The following CNTN4 variants were observed in gnomAD, a reference collection of about 807,000 sequenced individuals.
CNTN4 encodes the protein contactin-4.
A neutral mutation model predicts 122.5 loss-of-function variants in CNTN4; 77 were observed. That is an observed-to-expected ratio of 0.63 (90% CI 0.52 to 0.76). The LOEUF is 0.76. CNTN4 is among the 30% of genes least tolerant of loss of function. CNTN4 has a pLI of 0.00. For synonymous variants in CNTN4, 512 were observed against 447.0 expected, an observed-to-expected ratio of 1.15 and a Z score of -1.83; for missense variants, 1,256 against 1,259.1, an observed-to-expected ratio of 1.00 and a Z score of 0.04.
chr3:2,312,878 A>G (rs79856104), intron 2 of CNTN4, among the ~76,000 whole-genome samples: 4 of 152,028 alleles, frequency 2.6e-5, no homozygotes, highest in African/African-American at 4.8e-5. Flanking sequence ...GTTCGTTGCT[A>G]TGATAGGAAA....
intron 2 of CNTN4, among the ~76,000 whole-genome samples, chr3:2,120,402 T>TAA (rs2033683802): frequency 1.6e-4 from 5 of 31,166 alleles, no homozygotes; most frequent in Non-Finnish European, 2.9e-4. Context: ...TATATATATA[T>TAA]ATATTTTTTT....
intron 10 of CNTN4, chr3:2,892,161 A>G (rs2094049688): frequency 6.6e-6 from 1 of 152,250 alleles, no homozygotes; most frequent in South Asian, 2.1e-4. Context: ...CTGAAACTTC[A>G]GTGTGCATCA....
intron 23 of CNTN4, among the ~76,000 whole-genome samples, chr3:3,048,036 C>G (rs1441224142): frequency 6.6e-6 from 1 of 152,236 alleles, no homozygotes; most frequent in Admixed American, 6.5e-5. Context: ...CTCAGTCACT[C>G]CCCCTTCTTT....
chr3:2,236,551 A>C (rs1408019007), intron 2 of CNTN4, among the ~76,000 whole-genome samples: 2 of 152,226 alleles, frequency 1.3e-5, no homozygotes, highest in Non-Finnish European at 2.9e-5. Flanking sequence ...GTCTTCAGGA[A>C]GCAGTGAGCA....
intron 3 of CNTN4, among the ~76,000 whole-genome samples, chr3:2,348,359 AT>A (rs1201428958): frequency 3.3e-5 from 5 of 152,034 alleles, no homozygotes; most frequent in Non-Finnish European, 7.4e-5. Context: ...CTTTTCATGG[AT>A]TTAGGGAATC....
chr3:2,796,108 T>C (rs1418470410), intron 6 of CNTN4, among the ~76,000 whole-genome samples: 2 of 152,158 alleles, frequency 1.3e-5, no homozygotes, highest in African/African-American at 4.8e-5. Flanking sequence ...TTGTCTTTGT[T>C]GCTTTCTTTT....
At chr3:2,548,921 T>G (rs1481992474) in intron 3 of CNTN4, among the ~76,000 whole-genome samples, 2 of 152,140 alleles carry the variant, frequency 1.3e-5, no homozygotes, top group Non-Finnish European at 1.5e-5. Context: ...CCTAGGTATT[T>G]TATTCTCTTC....
chr3:2,897,439 CA>C (rs34051316), intron 10 of CNTN4, among the ~76,000 whole-genome samples: 106 of 148,206 alleles, frequency 7.2e-4, no homozygotes, highest in Non-Finnish European at 1.2e-3. Context: ...GTATATATTA[CA>C]AAAAAAAAAA....
intron 2 of CNTN4, among the ~76,000 whole-genome samples, chr3:2,292,363 C>T (rs1409542445): frequency 6.6e-6 from 1 of 152,010 alleles, no homozygotes; most frequent in African/African-American, 2.4e-5. Context: ...TATTAGGTAC[C>T]CCACTGATAT....
intron 3 of CNTN4, among the ~76,000 whole-genome samples, chr3:2,427,574 G>T (rs1246000227): frequency 6.6e-6 from 1 of 152,210 alleles, no homozygotes; most frequent in African/African-American, 2.4e-5. Flanking sequence ...GAGTTCTGTA[G>T]ATGTCTATTA....
At chr3:2,818,383 C>A (rs541502408) in intron 6 of CNTN4, among the ~76,000 whole-genome samples, 16 of 152,230 alleles carry the variant, frequency 1.1e-4, no homozygotes, top group African/African-American at 3.9e-4. Flanking sequence ...GTTAGGAGTA[C>A]ATGAGATAAT....
chr3:2,512,600 A>G (rs984105365), intron 3 of CNTN4, among the ~76,000 whole-genome samples: 2 of 152,248 alleles, frequency 1.3e-5, no homozygotes, highest in Non-Finnish European at 2.9e-5. Context: ...TAACCTAAAC[A>G]TAAATCACAC....
rs534828609 is a variant in CNTN4 at position 2,352,312 on chromosome 3, G to C, written c.-89+13079G>C. 4.6e-5 allele frequency among the ~76,000 whole-genome samples: 7 copies of C among 152,308 alleles called. 1 individual carries two copies. The South Asian group carries it at 1.5e-3, about 32-fold the overall frequency. The stretch of plus-strand genomic sequence containing the variant: ...CTGGCCGCACTTGAGGAACACTTCA[G>C]CCTGCCGCTGCACTGTGGGAGCCCC... On this transcript the variant is annotated intron_variant, in intron 3 of 24. Coordinates refer to ENST00000418658, the MANE Select transcript of CNTN4 (RefSeq NM_175607.3).
At chr3:2,170,092 C>T (rs35338585) in intron 2 of CNTN4, among the ~76,000 whole-genome samples, 74,023 of 150,736 alleles carry the variant, frequency 0.49, 18,607 homozygotes, top group East Asian at 0.69. Flanking sequence ...GAGGCCGAGG[C>T]GGGAGGATCA....
intron 2 of CNTN4, among the ~76,000 whole-genome samples, chr3:2,131,860 T>C (rs2034464888): frequency 6.6e-6 from 1 of 152,152 alleles, no homozygotes; most frequent in South Asian, 2.1e-4. Context: ...TCAGTGAGCT[T>C]TTTTCTTATT....
At chr3:2,384,761 C>CGTGTGTGTGTGT (rs67019083) in intron 3 of CNTN4, among the ~76,000 whole-genome samples, 2 of 147,808 alleles carry the variant, frequency 1.4e-5, no homozygotes, top group Non-Finnish European at 3.0e-5. Context: ...TCAATGTGTG[C>CGTGTGTGTGTGT]GTGTGTGTGT....
chr3:2,568,347 T>G (rs866969579), intron 3 of CNTN4, among the ~76,000 whole-genome samples: 1 of 119,856 alleles, frequency 8.3e-6, no homozygotes, highest in African/African-American at 3.1e-5. Flanking sequence ...AAAACCACCC[T>G]GTACAATTCT....
intron 4 of CNTN4, among the ~76,000 whole-genome samples, chr3:2,617,733 C>G (rs1047373001): frequency 1.3e-5 from 2 of 151,842 alleles, no homozygotes; most frequent in African/African-American, 4.8e-5. Flanking sequence ...GAGAAATGCC[C>G]TTTTTTTAAA....
At chr3:2,527,347 G>A (rs1202071785) in intron 3 of CNTN4, among the ~76,000 whole-genome samples, 1 of 152,246 alleles carries the variant, frequency 6.6e-6, no homozygotes, top group African/African-American at 2.4e-5. Flanking sequence ...CACCTTAGAA[G>A]TGGTCGTTAA....
Sources: gnomAD v4.1 joint callset for allele counts (sites outside exome capture counted in the v4.1 genomes callset) on GRCh38, gnomAD v4.1.1 for gene constraint, MANE v1.5 for transcripts, NCBI Gene and HGNC (gene_info 2026-07-23, HGNC 2026-07-21) for gene names.